The following TMEM8B variants were observed in gnomAD, a reference collection of about 807,000 sequenced individuals.
TMEM8B encodes the protein transmembrane protein 8B.
TMEM8B carries 29 observed loss-of-function variants against 49.3 expected under a neutral mutation model. The ratio of observed to expected loss-of-function variants is 0.59; its 90% CI spans 0.44 to 0.80. TMEM8B has a LOEUF of 0.80. Among genes scored for constraint, TMEM8B ranks in the 30% least tolerant of loss-of-function variants. TMEM8B has a pLI of 0.00. For missense variants in TMEM8B, 575 were observed against 658.5 expected, an observed-to-expected ratio of 0.87 and a Z score of 1.39; for synonymous variants, 264 against 272.8, an observed-to-expected ratio of 0.97 and a Z score of 0.32.
chr9:35,842,198 T>C lies in TMEM8B; in HGVS notation c.1310-194T>C, dbSNP rs1564027606. ...GATAGATGACCTCAGTTCCCTCCAGTGTGGTATTGCATTAGCTGTCACCAT... is the reference window on the plus strand; with the variant it reads ...GATAGATGACCTCAGTTCCCTCCAGCGTGGTATTGCATTAGCTGTCACCAT... On this transcript the variant is annotated intron_variant, in intron 5 of 12. Transcript: ENST00000643932. This position sits in a 1 kb window ranked among gnomAD's most constrained non-coding sequence, Gnocchi z 5.6. 6.6e-6 allele frequency among the ~76,000 whole-genome samples: 1 copy of C among 152,172 alleles called. No homozygotes were observed. Among genetic ancestry groups the C allele is most frequent in the Non-Finnish European group, 1.5e-5 (1 of 68,012 alleles).
intron 1 of TMEM8B, among the ~76,000 whole-genome samples, chr9:35,832,151 A>G (rs1391214952): frequency 6.8e-6 from 1 of 146,482 alleles, no homozygotes; most frequent in Non-Finnish European, 1.5e-5. Context: ...GCCTCAGCCT[A>G]TGTGTGTAGG....
Position 35,842,646 on chromosome 9 carries a change from G to C in TMEM8B, c.1564G>C (p.Val522Leu), listed in dbSNP as rs369682052. Residue 522 changes from valine to leucine, a missense_variant, in exon 6 of 13, where the codon GTG (valine) becomes CTG (leucine). By Grantham distance (32) the Val-to-Leu change is conservative. Coordinates refer to ENST00000643932, the MANE Select transcript of TMEM8B (RefSeq NM_001042590.4). The surrounding 1 kb of genome is among the most constrained non-coding windows in gnomAD (Gnocchi z 5.6). ...GGCCCTTCCCCCTGAGCGCCCAGCC[G>C]TGTTCGCCATGAGGCTGTTGCCAGT... ...SVALPPERPA[V>L]FAMRLLPVLD... 10 of 1,614,030 alleles carry C rather than the reference G, an allele frequency of 6.2e-6. No homozygotes were observed. Among genetic ancestry groups the C allele is most frequent in the African/African-American group, 1.3e-5 (1 of 74,950 alleles).
rs891498530 is a variant in TMEM8B, at chr9:35,842,867, C to G, written c.1635+150C>G. 6 of 774,024 alleles carry G rather than the reference C, an allele frequency of 7.8e-6. No individual in the cohort carries two copies. The highest frequency in any genetic ancestry group is 1.2e-5 in the Non-Finnish European group (6 of 500,610). The allele number at this position is 774,024 out of a possible 1,614,324, so 47.9% of individuals were successfully genotyped here. On this transcript the variant is annotated intron_variant, in intron 6 of 12. Transcript: ENST00000643932. This position sits in a 1 kb window ranked among gnomAD's most constrained non-coding sequence, Gnocchi z 5.6. The stretch of plus-strand genomic sequence containing the variant: ...TTAGGGACCATGGCTCAGCCCAATT[C>G]TGGTCAACAAACATGTCCTGAGTAT...
chr9:35,842,541 T>G lies in TMEM8B; in HGVS notation c.1459T>G (p.Cys487Gly). 6.2e-7 allele frequency: 1 copy of G among 1,614,166 alleles called. No individual in the cohort carries two copies. The highest frequency in any genetic ancestry group is 8.5e-7 in the Non-Finnish European group (1 of 1,180,014). ...GPGTTSPPEH[C>G]WPVRPTLRNE... Reference sequence around the variant, plus strand: ...TGGGACCACGTCCCCACCCGAGCACTGCTGGCCAGTGCGCCCGACTCTGCG... The same window carrying G: ...TGGGACCACGTCCCCACCCGAGCACGGCTGGCCAGTGCGCCCGACTCTGCG... Residue 487 changes from cysteine (C) to glycine (G), a missense_variant, in exon 6 of 13, where the codon TGC becomes GGC. Transcript: ENST00000643932. This position sits in a 1 kb window ranked among gnomAD's most constrained non-coding sequence, Gnocchi z 5.6.
Position 35,841,038 on chromosome 9 carries a change from G to A in TMEM8B, c.907-96G>A. 2.4e-6 allele frequency: 1 copy of A among 412,152 alleles called. No individual in the cohort carries two copies. The highest frequency in any genetic ancestry group is 4.4e-6 in the Non-Finnish European group (1 of 226,044). 25.5% of individuals were successfully genotyped at this position (412,152 alleles called of 1,614,324 possible). A position where few individuals can be genotyped will look rare whatever the true frequency, so the allele number is the denominator to read the frequency against. Reference sequence around the variant, plus strand: ...GCCTGGGAGTGGTGGCCGGGGCGGGGGTTTCTCCCCAGCCCGCCCAGCAGG... The same window carrying A: ...GCCTGGGAGTGGTGGCCGGGGCGGGAGTTTCTCCCCAGCCCGCCCAGCAGG... On this transcript the variant is annotated intron_variant, in intron 3 of 12. Coordinates refer to ENST00000643932, the MANE Select transcript of TMEM8B (RefSeq NM_001042590.4). This position sits in a 1 kb window ranked among gnomAD's most constrained non-coding sequence, Gnocchi z 5.9.
intron 6 of TMEM8B, chr9:35,845,280 TA>T (rs1564032013): frequency 7.3e-6 from 4 of 545,322 alleles, no homozygotes; most frequent in Non-Finnish European, 9.3e-6. Flanking sequence ...TGGCCTACCT[TA>T]GGGACAGACT....
chr9:35,849,971 C>G (rs1016367788), intron 10 of TMEM8B, among the ~76,000 whole-genome samples: 6 of 152,216 alleles, frequency 3.9e-5, no homozygotes, highest in Non-Finnish European at 8.8e-5. Flanking sequence ...GGTGTCCTTG[C>G]TGATTGCTGG....
At chr9:35,844,435 C>T (rs1831322248) in intron 6 of TMEM8B, among the ~76,000 whole-genome samples, 1 of 152,246 alleles carries the variant, frequency 6.6e-6, no homozygotes. Context: ...TCCTCCAGCC[C>T]TGAGAGCAGG....
intron 1 of TMEM8B, among the ~76,000 whole-genome samples, chr9:35,830,895 T>C (rs1333680458): frequency 6.6e-6 from 1 of 152,100 alleles, no homozygotes; most frequent in Non-Finnish European, 1.5e-5. Flanking sequence ...GGTGTCCTGG[T>C]CTAGGGGATG....
chr9:35,832,950 G>C (rs889947792), intron 1 of TMEM8B, among the ~76,000 whole-genome samples: 11 of 152,144 alleles, frequency 7.2e-5, no homozygotes, highest in Non-Finnish European at 1.3e-4. Flanking sequence ...TGGGTTCCTA[G>C]GCAGTGCTCA....
chr9:35,834,722 A>T lies in TMEM8B; in HGVS notation c.698+72A>T, dbSNP rs118098159. On this transcript the variant is annotated intron_variant, in intron 2 of 12. Transcript: ENST00000643932. ...ACTTTCCAGACTAAAGTGTGACTTT[A>T]ACTGACCTCCCGACCCTGACCCCAA... The T allele has an allele frequency of 1.9e-4, 77 of 414,638 alleles. No individual in the cohort carries two copies. The East Asian group carries it at 2.7e-3, about 14-fold the overall frequency. 25.7% of individuals were successfully genotyped at this position (414,638 alleles called of 1,614,324 possible).
chr9:35,853,462 C>T lies in TMEM8B; in HGVS notation c.2440-43C>T. The stretch of plus-strand genomic sequence containing the variant: ...GAGTGACCAGCTCTGGCTTGGGTTC[C>T]AGGGCTTGGCATTCCTGAGCCCCAC... On this transcript the variant is annotated intron_variant, in intron 12 of 12. Coordinates refer to ENST00000643932, the MANE Select transcript of TMEM8B (RefSeq NM_001042590.4). This position sits in a 1 kb window ranked among gnomAD's most constrained non-coding sequence, Gnocchi z 4.2. The T allele has an allele frequency of 6.3e-7, 1 of 1,581,374 alleles. No individual in the cohort carries two copies. Among genetic ancestry groups the T allele is most frequent in the South Asian group, 1.2e-5 (1 of 86,564 alleles).
At chr9:35,832,162 TGTA>T (rs1452505853) in intron 1 of TMEM8B, among the ~76,000 whole-genome samples, 1 of 133,350 alleles carries the variant, frequency 7.5e-6, no homozygotes, top group Non-Finnish European at 1.6e-5. Flanking sequence ...TGTGTGTAGG[TGTA>T]GGGGTGTGTG....
chr9:35,854,004 TG>T lies in TMEM8B; in HGVS notation c.*166del. 1 of 1,343,582 alleles carries T rather than the reference TG, an allele frequency of 7.4e-7. No individual in the cohort carries two copies. The highest frequency in any genetic ancestry group is 1.5e-5 in the African/African-American group (1 of 67,686). The allele number at this position is 1,343,582 out of a possible 1,614,324, so 83.2% of individuals were successfully genotyped here. A position where few individuals can be genotyped will look rare whatever the true frequency, so the allele number is the denominator to read the frequency against. ...GGGACCTGGAGCCCTTCCCAGGACATGGAGAACTTCCTGAGGGCCTGGAGTC... is the reference window on the plus strand; with the variant it reads ...GGGACCTGGAGCCCTTCCCAGGACATGAGAACTTCCTGAGGGCCTGGAGTC... On this transcript the variant is annotated 3_prime_UTR_variant, in exon 13 of 13. Coordinates refer to ENST00000643932, the MANE Select transcript of TMEM8B (RefSeq NM_001042590.4).
In TMEM8B at chr9:35,842,329, T is replaced by G; in HGVS notation, c.1310-63T>G. 7.9e-7 allele frequency: 1 copy of G among 1,270,406 alleles called. No homozygotes were observed. The highest frequency in any genetic ancestry group is 1.1e-6 in the Non-Finnish European group (1 of 940,802). 78.7% of individuals were successfully genotyped at this position (1,270,406 alleles called of 1,614,324 possible). On this transcript the variant is annotated intron_variant, in intron 5 of 12. Coordinates refer to ENST00000643932, the MANE Select transcript of TMEM8B (RefSeq NM_001042590.4). The surrounding 1 kb of genome is among the most constrained non-coding windows in gnomAD (Gnocchi z 5.6). The stretch of plus-strand genomic sequence containing the variant: ...GAAATCCTGTCTAGCTCAGATGTGT[T>G]TATGAGTAAGTTCAGGACTGTAAAG...
chr9:35,830,391 T>C (rs1829752256), intron 1 of TMEM8B, among the ~76,000 whole-genome samples: 1 of 152,236 alleles, frequency 6.6e-6, no homozygotes. Context: ...GTTTTAAAGA[T>C]AATATGTAGC....
intron 1 of TMEM8B, among the ~76,000 whole-genome samples, chr9:35,833,653 C>A (rs1180826408): frequency 6.6e-6 from 1 of 152,192 alleles, no homozygotes; most frequent in African/African-American, 2.4e-5. Context: ...CACTGGGTCA[C>A]TAACTCACTG....
intron 9 of TMEM8B, 73 bp from the exon 10 acceptor site, chr9:35,846,744 C>T: frequency 6.4e-7 from 1 of 1,551,072 alleles, no homozygotes; most frequent in Non-Finnish European, 8.7e-7. Context: ...GGTGAGACCA[C>T]CCTCCACAAG....
rs748209788 is a variant in TMEM8B at position 35,846,663 on chromosome 9, TG to T, written c.1996+55del. ...TGCGGTGGACTGGAGGTGGACCTGC[TG>T]GGCCTGTGGGCAGGCGGCGGGAGTA... On this transcript the variant is annotated intron_variant, in intron 9 of 12. Coordinates refer to ENST00000643932, the MANE Select transcript of TMEM8B (RefSeq NM_001042590.4). 5 of 1,560,868 alleles carry T rather than the reference TG, an allele frequency of 3.2e-6. No homozygotes were observed. The African/African-American group carries it at 6.8e-5, about 21-fold the overall frequency.
Sources: gnomAD v4.1 joint callset for allele counts (sites outside exome capture counted in the v4.1 genomes callset) on GRCh38, gnomAD v4.1.1 for gene constraint, Gnocchi (gnomAD v3.1) non-coding constraint, MANE v1.5 for transcripts, NCBI Gene and HGNC (gene_info 2026-07-23, HGNC 2026-07-21) for gene names.